Variants in ESR1 observed in about 807,000 individuals in gnomAD.
The protein encoded by ESR1 is estrogen receptor.
In ESR1, 12 loss-of-function variants were observed where a neutral mutation model predicts 52.7. The observed-to-expected ratio is 0.23, with a 90% CI of 0.15 to 0.37. The LOEUF (loss-of-function observed/expected upper bound fraction) is 0.37, where lower values mean the gene tolerates loss of function less well. ESR1 is among the 10% of genes least tolerant of loss of function. The probability of loss-of-function intolerance (pLI) is 1.00; values close to 1 mark genes in which losing one functional copy is unlikely to be tolerated. For synonymous variants in ESR1, 305 were observed against 316.8 expected, an observed-to-expected ratio of 0.96 and a Z score of 0.39; for missense variants, 584 against 779.7, an observed-to-expected ratio of 0.75 and a Z score of 2.99.
chr6:151,981,572 T>G (rs2039995345), intron 4 of ESR1, among the ~76,000 whole-genome samples: 1 of 152,224 alleles, frequency 6.6e-6, no homozygotes, highest in Non-Finnish European at 1.5e-5. Context: ...AATCCACATT[T>G]AAACATAAGG....
intron 2 of ESR1, among the ~76,000 whole-genome samples, chr6:151,760,176 C>T (rs571300066): frequency 1.3e-5 from 2 of 152,278 alleles, no homozygotes; most frequent in African/African-American, 4.8e-5. Flanking sequence ...CTTGTTTCTT[C>T]AGGGCTCTCT....
At chr6:151,677,091 T>C (rs932798218) in intron 1 of ESR1, among the ~76,000 whole-genome samples, 3 of 152,128 alleles carry the variant, frequency 2.0e-5, no homozygotes, top group Admixed American at 6.5e-5. Context: ...ACTGAAGGGA[T>C]CCTCCTGCCT....
At chr6:151,769,636 T>C (rs536697740) in intron 2 of ESR1, among the ~76,000 whole-genome samples, 1 of 152,310 alleles carries the variant, frequency 6.6e-6, no homozygotes, top group Admixed American at 6.5e-5. Context: ...AGCAGGAAGA[T>C]AGACTGGGCT....
At position 152,053,780 on chromosome 6, in the gene ESR1, G is replaced by A. The variant is rs2046882971; in HGVS notation, c.1236-7211G>A. ...TGCTTTCATGGAGGCCGTGTAAATTGGTATAACCTTTTTGGAAGGCGTTTT... is the reference window on the plus strand; with the variant it reads ...TGCTTTCATGGAGGCCGTGTAAATTAGTATAACCTTTTTGGAAGGCGTTTT... On this transcript the variant is annotated intron_variant, in intron 5 of 7. Coordinates refer to ENST00000206249, the MANE Select transcript of ESR1 (RefSeq NM_000125.4). The surrounding 1 kb of genome is among the most constrained non-coding windows in gnomAD (Gnocchi z 4.1). Among the ~76,000 whole-genome samples the A allele has an allele frequency of 6.6e-6, 1 of 151,966 alleles. No individual in the cohort carries two copies. The highest frequency in any genetic ancestry group is 6.6e-5 in the Admixed American group (1 of 15,242).
chr6:151,820,208 A>C lies in ESR1; in HGVS notation c.452+11844A>C, dbSNP rs868618172. The stretch of plus-strand genomic sequence containing the variant: ...AGGATTTAGCCAGACAAAGAAGGGC[A>C]GGTGAGGTTGTGAAGAGGAACTGAG... On this transcript the variant is annotated intron_variant, in intron 1 of 7. Coordinates refer to ENST00000206249, the MANE Select transcript of ESR1 (RefSeq NM_000125.4). Among the ~76,000 whole-genome samples the C allele has an allele frequency of 3.3e-5, 5 of 152,196 alleles. No individual in the cohort carries two copies. The South Asian group carries it at 1.0e-3, about 32-fold the overall frequency.
intron 1 of ESR1, among the ~76,000 whole-genome samples, chr6:151,826,675 T>G (rs1444056859): frequency 6.6e-6 from 1 of 152,206 alleles, no homozygotes; most frequent in Non-Finnish European, 1.5e-5. Flanking sequence ...TACCTCACTC[T>G]GTTGATGTTG....
At chr6:151,765,218 A>G (rs1784955552) in intron 2 of ESR1, among the ~76,000 whole-genome samples, 2 of 152,236 alleles carry the variant, frequency 1.3e-5, no homozygotes, top group African/African-American at 4.8e-5. Context: ...TTCAGATGCT[A>G]CATTTTTATT....
upstream of ESR1, among the ~76,000 whole-genome samples, chr6:151,800,600 A>G (rs939526102): frequency 1.3e-5 from 2 of 151,802 alleles, no homozygotes; most frequent in African/African-American, 4.8e-5. Context: ...TCCTCCTTCT[A>G]CCTCCTCCAG....
intron 1 of ESR1, among the ~76,000 whole-genome samples, chr6:151,838,395 G>A (rs1783735456): frequency 6.6e-6 from 1 of 152,178 alleles, no homozygotes; most frequent in Admixed American, 6.5e-5. Context: ...GACTGATCTA[G>A]CCATAGGTAC....
intron 3 of ESR1, among the ~76,000 whole-genome samples, chr6:151,884,506 T>C (rs866704088): frequency 6.6e-6 from 1 of 152,206 alleles, no homozygotes; most frequent in African/African-American, 2.4e-5. Context: ...AAAGTTTAGT[T>C]TCAGTTAAAA....
chr6:151,814,275 A>G (rs1451400614), intron 1 of ESR1: 1 of 152,146 alleles, frequency 6.6e-6, no homozygotes, highest in African/African-American at 2.4e-5. Flanking sequence ...ACATTGGCGT[A>G]CTTCCTCTTT....
At chr6:151,928,734 A>T (rs940951277) in intron 3 of ESR1, among the ~76,000 whole-genome samples, 3 of 151,990 alleles carry the variant, frequency 2.0e-5, no homozygotes, top group African/African-American at 7.2e-5. Context: ...CTTTTCCTGC[A>T]TCCCACAAAT....
At chr6:151,716,668 G>A (rs367635625) in intron 2 of ESR1, among the ~76,000 whole-genome samples, 3 of 152,112 alleles carry the variant, frequency 2.0e-5, no homozygotes, top group Non-Finnish European at 4.4e-5. Flanking sequence ...CAGTAATGGC[G>A]GATGCCCCTC....
rs117253444 is a variant in ESR1 at position 151,707,816 on chromosome 6, C to T, written c.-71+5811C>T. ...TCAAAATCCCATCTAGAAATCAAAT[C>T]ATGATTTTATTTGGCTATGCCTCTT... On this transcript the variant is annotated intron_variant, in intron 2 of 2. Coordinates refer to the ESR1 transcript ENST00000404742. 2.9e-3 allele frequency among the ~76,000 whole-genome samples: 440 copies of T among 152,136 alleles called. 5 individuals carry two copies. The highest frequency in any genetic ancestry group is 0.019 in the East Asian group (96 of 5,188).
chr6:151,835,478 G>T (rs1016624536), intron 1 of ESR1, among the ~76,000 whole-genome samples: 4 of 152,172 alleles, frequency 2.6e-5, no homozygotes, highest in African/African-American at 9.7e-5. Flanking sequence ...GAAGTGGAGT[G>T]GTTGCCAGAC....
intron 1 of ESR1, among the ~76,000 whole-genome samples, chr6:151,832,494 T>C (rs1782606174): frequency 6.6e-6 from 1 of 152,228 alleles, no homozygotes; most frequent in South Asian, 2.1e-4. Flanking sequence ...CTCCAACTTC[T>C]GTCCATCCAT....
In ESR1 at chr6:151,838,386, A is replaced by T. The variant is rs1783732765; in HGVS notation, c.453-4211A>T. ...CCTGTACCTAGGCCCATCTGCTGGG[A>T]CTGATCTAGCCATAGGTACTCAGAG... On this transcript the variant is annotated intron_variant, in intron 1 of 7. Coordinates refer to ENST00000206249, the MANE Select transcript of ESR1 (RefSeq NM_000125.4). Among the ~76,000 whole-genome samples, 4 of 152,122 alleles carry T rather than the reference A, an allele frequency of 2.6e-5. No individual in the cohort carries two copies. In the South Asian group the frequency reaches 8.3e-4, roughly 32 times the overall value.
In ESR1 at chr6:152,053,859, T is replaced by C. The variant is rs1184692494; in HGVS notation, c.1236-7132T>C. Among the ~76,000 whole-genome samples the C allele has an allele frequency of 6.6e-6, 1 of 152,228 alleles. No individual in the cohort carries two copies. Among genetic ancestry groups the C allele is most frequent in the Admixed American group, 6.5e-5 (1 of 15,280 alleles). On this transcript the variant is annotated intron_variant, in intron 5 of 7. Coordinates refer to ENST00000206249, the MANE Select transcript of ESR1 (RefSeq NM_000125.4). The surrounding 1 kb of genome is among the most constrained non-coding windows in gnomAD (Gnocchi z 4.1). ...TACACCCCTTGATTCTGCTATTGTA[T>C]GTGTAAGGATTTTTTCCTGCATACT...
At chr6:151,723,880 A>G (rs1037793785) in intron 2 of ESR1, among the ~76,000 whole-genome samples, 3 of 152,128 alleles carry the variant, frequency 2.0e-5, no homozygotes, top group African/African-American at 7.2e-5. Context: ...GGGAAAACAA[A>G]CAAACAAAAG....
Sources: allele counts gnomAD v4.1 joint callset (sites outside exome capture counted in the v4.1 genomes callset), GRCh38; gene constraint gnomAD v4.1.1; non-coding constraint Gnocchi (gnomAD v3.1); transcripts MANE v1.5; gene names NCBI Gene and HGNC (gene_info 2026-07-23, HGNC 2026-07-21).